ENTPD4: variants seen among roughly 807,000 people sequenced by gnomAD.
ENTPD4 encodes Golgi UDPase.
A neutral mutation model predicts 79.1 loss-of-function variants in ENTPD4; 60 were observed. The ratio of observed to expected loss-of-function variants is 0.76; its 90% CI spans 0.62 to 0.94. ENTPD4 has a LOEUF of 0.94. ENTPD4 is among the 40% of genes least tolerant of loss of function. The pLI is 0.00. For missense variants in ENTPD4, 772 were observed against 775.1 expected (o/e 1.00, Z 0.05); for synonymous variants, 276 against 292.0 (o/e 0.95, Z 0.56).
chr8:23,439,690 T>G, intron 9 of ENTPD4, 59 bp downstream of exon 9: 2 of 1,554,680 alleles, frequency 1.3e-6, no homozygotes, highest in Non-Finnish European at 1.8e-6. Flanking sequence ...CTGGGTCTGT[T>G]TTTTATGAGG....
rs140786682 is a variant in ENTPD4, at chr8:23,437,078, C to T, written c.1230G>A (p.Gln410=). The part of the protein sequence containing the change: ...QPFMNKTNET[Q]TSLNGVYQPP... ...GCTGGTAGACCCCATTGAGGGAAGTCTGGGTCTCGTTTGTTTTATTCATGA... is the reference window on the plus strand; with the variant it reads ...GCTGGTAGACCCCATTGAGGGAAGTTTGGGTCTCGTTTGTTTTATTCATGA... The change falls in exon 10 of 13, where the codon CAG becomes CAA. Residue 410 remains glutamine, a synonymous_variant. Transcript: ENST00000358689. The T allele has an allele frequency of 1.2e-6, 2 of 1,614,180 alleles. No individual in the cohort carries two copies. Among genetic ancestry groups the T allele is most frequent in the Non-Finnish European group, 1.7e-6 (2 of 1,180,020 alleles).
intron 1 of ENTPD4, among the ~76,000 whole-genome samples, chr8:23,452,107 G>C (rs150404487): frequency 1.1e-4 from 16 of 152,334 alleles, no homozygotes; most frequent in African/African-American, 3.6e-4. Context: ...GGGAGGGAGA[G>C]GTGGGATGCA....
At position 23,429,786 on chromosome 8, in the gene ENTPD4, G is replaced by A. The variant is rs1396462663; in HGVS notation, c.*3140C>T. The A allele has an allele frequency of 1.5e-5, 15 of 985,336 alleles. No individual in the cohort carries two copies. Among genetic ancestry groups the A allele is most frequent in the South Asian group, 4.7e-5 (1 of 21,288 alleles). 61.0% of individuals were successfully genotyped at this position (985,336 alleles called of 1,614,324 possible). A position where few individuals can be genotyped will look rare whatever the true frequency, so the allele number is the denominator to read the frequency against. ...ACCAGCAGCGTCTTCACTCCGCCCA[G>A]GTCAGAAAGCACTGCCTAAAGCCGG... On this transcript the variant is annotated 3_prime_UTR_variant, in exon 13 of 13. Transcript: ENST00000358689.
intron 1 of ENTPD4, among the ~76,000 whole-genome samples, chr8:23,453,280 G>C (rs1353519464): frequency 6.6e-6 from 1 of 151,506 alleles, no homozygotes; most frequent in Non-Finnish European, 1.5e-5. Context: ...TACACAAAAA[G>C]TAAAAAGAAA....
At chr8:23,449,841 T>A (rs1451142212) in intron 2 of ENTPD4, 52 bp downstream of exon 2, 1 of 1,492,886 alleles carries the variant, frequency 6.7e-7, no homozygotes, top group Non-Finnish European at 9.4e-7. Context: ...TCAAGACCTG[T>A]TTTTGCATCA....
Position 23,431,678 on chromosome 8 carries a change from G to A in ENTPD4, c.*1248C>T, listed in dbSNP as rs1800456695. 3.0e-6 allele frequency: 3 copies of A among 985,332 alleles called. No homozygotes were observed. The highest frequency in any genetic ancestry group is 4.7e-5 in the South Asian group (1 of 21,294). 61.0% of individuals were successfully genotyped at this position (985,332 alleles called of 1,614,324 possible). On this transcript the variant is annotated 3_prime_UTR_variant, in exon 13 of 13. Transcript: ENST00000358689. ...TCCCAGTACGATTAAAAGCTGAGAT[G>A]ACTTTTAATTAAGGGGGGTGGGGGA...
intron 1 of ENTPD4, among the ~76,000 whole-genome samples, chr8:23,451,009 C>A (rs1800850321): frequency 7.0e-6 from 1 of 142,790 alleles, no homozygotes; most frequent in African/African-American, 2.7e-5. Context: ...AATGTAATTT[C>A]TTTTTTTCTT....
rs1274398202 is a variant in ENTPD4 at position 23,429,998 on chromosome 8, C to A, written c.*2928G>T. ...CTGGCATGTTTCTACCAAGATTGAACACAATGCTTTTCTTTGATAAAGCTT... is the reference window on the plus strand; with the variant it reads ...CTGGCATGTTTCTACCAAGATTGAAAACAATGCTTTTCTTTGATAAAGCTT... On this transcript the variant is annotated 3_prime_UTR_variant, in exon 13 of 13. Coordinates refer to ENST00000358689, the MANE Select transcript of ENTPD4 (RefSeq NM_004901.5). The A allele has an allele frequency of 1.6e-5, 16 of 985,336 alleles. No homozygotes were observed. The highest frequency in any genetic ancestry group is 1.9e-5 in the Non-Finnish European group (16 of 829,938). The allele number at this position is 985,336 out of a possible 1,614,324, so 61.0% of individuals were successfully genotyped here. A position where few individuals can be genotyped will look rare whatever the true frequency, so the allele number is the denominator to read the frequency against.
chr8:23,440,896 G>A (rs911527131), intron 8 of ENTPD4, among the ~76,000 whole-genome samples: 9 of 152,166 alleles, frequency 5.9e-5, no homozygotes, highest in Admixed American at 2.6e-4. Flanking sequence ...CTAGCTCCAC[G>A]GTCTCACTTT....
chr8:23,434,664 C>T, intron 11 of ENTPD4, 186 bp from the exon 12 acceptor site: 1 of 1,425,434 alleles, frequency 7.0e-7, no homozygotes, highest in South Asian at 1.5e-5. Flanking sequence ...CCTGGTCCCA[C>T]AACATGGAGC....
chr8:23,436,932 A>G lies in ENTPD4; in HGVS notation c.1374+2T>C, dbSNP rs1409731359. 1 of 1,578,734 alleles carries G rather than the reference A, an allele frequency of 6.3e-7. No individual in the cohort carries two copies. Among genetic ancestry groups the G allele is most frequent in the South Asian group, 1.2e-5 (1 of 84,840 alleles). ...AGAGCAGACGGCGTCTCTCAAGGGT[A>G]CCTTTGCAGCTTTAGTAAATTTAGC... is the stretch of plus-strand genomic sequence containing the variant. On this transcript the variant is annotated splice_donor_variant, in intron 10 of 12. Coordinates refer to ENST00000358689, the MANE Select transcript of ENTPD4 (RefSeq NM_004901.5). LOFTEE classifies it high-confidence loss of function.
chr8:23,450,237 G>T (rs1029433804), intron 1 of ENTPD4, among the ~76,000 whole-genome samples: 2 of 152,182 alleles, frequency 1.3e-5, no homozygotes, highest in Admixed American at 6.6e-5. Flanking sequence ...AACCTAAAGT[G>T]TCTGTGACCC....
In ENTPD4 at chr8:23,441,354, G is replaced by A. The variant is rs1800665618; in HGVS notation, c.882+215C>T. ...CGTATATACCAAAGAAAAACTCTAC[G>A]TTCAGAAAACAAACCAGCTGATTTC... On this transcript the variant is annotated intron_variant, in intron 8 of 12. Transcript: ENST00000358689. The A allele has an allele frequency of 5.3e-6, 5 of 944,344 alleles. No individual in the cohort carries two copies. In the South Asian group the frequency reaches 1.5e-4, roughly 28 times the overall value. 58.5% of individuals were successfully genotyped at this position (944,344 alleles called of 1,614,324 possible).
Position 23,430,845 on chromosome 8 carries a change from A to C in ENTPD4, c.*2081T>G. On this transcript the variant is annotated 3_prime_UTR_variant, in exon 13 of 13. Transcript: ENST00000358689. ...CGCCAGCTCCCTGCAGCCTCCACCA[A>C]TAATCCATGGCTCCTCCAGGAAGTG... 1 of 985,516 alleles carries C rather than the reference A, an allele frequency of 1.0e-6. No homozygotes were observed. The highest frequency in any genetic ancestry group is 1.2e-6 in the Non-Finnish European group (1 of 830,066). 61.0% of individuals were successfully genotyped at this position (985,516 alleles called of 1,614,324 possible). A position where few individuals can be genotyped will look rare whatever the true frequency, so the allele number is the denominator to read the frequency against.
chr8:23,433,121 G>A lies in ENTPD4; in HGVS notation c.1656C>T (p.His552=). Reference sequence around the variant, plus strand: ...CAAAGGAAACGCCCCGCCAGTGGGTGTGACTGGCTCGGAAGGCCTCCTGCT... The same window carrying A: ...CAAAGGAAACGCCCCGCCAGTGGGTATGACTGGCTCGGAAGGCCTCCTGCT... ...DIQQEAFRAS[H]THWRGVSFVY... The change falls in exon 13 of 13, where the codon CAC becomes CAT. Residue 552 remains histidine (H), a synonymous_variant. Coordinates refer to ENST00000358689, the MANE Select transcript of ENTPD4 (RefSeq NM_004901.5). 6.2e-7 allele frequency: 1 copy of A among 1,614,226 alleles called. No homozygotes were observed. The highest frequency in any genetic ancestry group is 8.5e-7 in the Non-Finnish European group (1 of 1,180,044).
Position 23,443,774 on chromosome 8 carries a change from AG to A in ENTPD4, c.667+75del. 3 of 807,984 alleles carry A rather than the reference AG, an allele frequency of 3.7e-6. No homozygotes were observed. In the South Asian group the frequency reaches 4.5e-5, roughly 12 times the overall value. 50.1% of individuals were successfully genotyped at this position (807,984 alleles called of 1,614,324 possible). On this transcript the variant is annotated intron_variant, in intron 6 of 12. Coordinates refer to ENST00000358689, the MANE Select transcript of ENTPD4 (RefSeq NM_004901.5). ...TGTTAAGACAATAGGAGTATAACAA[AG>A]GGTACATTGGTGAAAATGGGGAGGA...
intron 4 of ENTPD4, among the ~76,000 whole-genome samples, chr8:23,444,831 T>A (rs1244343845): frequency 6.6e-6 from 1 of 152,178 alleles, no homozygotes; most frequent in Non-Finnish European, 1.5e-5. Context: ...TGACTGAGCA[T>A]CTGCTGTGTG....
At chr8:23,440,449 A>G (rs1800648551) in intron 8 of ENTPD4, among the ~76,000 whole-genome samples, 2 of 152,226 alleles carry the variant, frequency 1.3e-5, no homozygotes, top group African/African-American at 4.8e-5. Context: ...AAGGCTAACA[A>G]TGGCTTTTTT....
In ENTPD4 at chr8:23,431,463, A is replaced by G; in HGVS notation, c.*1463T>C. ...TAAATAAATAGGTGAAAAAACACCAATCTCACATATGCCAATCCAATTGTC... is the reference window on the plus strand; with the variant it reads ...TAAATAAATAGGTGAAAAAACACCAGTCTCACATATGCCAATCCAATTGTC... On this transcript the variant is annotated 3_prime_UTR_variant, in exon 13 of 13. Coordinates refer to ENST00000358689, the MANE Select transcript of ENTPD4 (RefSeq NM_004901.5). The G allele has an allele frequency of 1.0e-6, 1 of 985,438 alleles. No homozygotes were observed. The highest frequency in any genetic ancestry group is 1.7e-5 in the African/African-American group (1 of 57,362). 61.0% of individuals were successfully genotyped at this position (985,438 alleles called of 1,614,324 possible). A position where few individuals can be genotyped will look rare whatever the true frequency, so the allele number is the denominator to read the frequency against.
Sources: gnomAD v4.1 joint callset for allele counts (sites outside exome capture counted in the v4.1 genomes callset) on GRCh38, gnomAD v4.1.1 for gene constraint, MANE v1.5 for transcripts, NCBI Gene and HGNC (gene_info 2026-07-23, HGNC 2026-07-21) for gene names.